KIF6: variants seen among roughly 807,000 people sequenced by gnomAD.
The protein encoded by KIF6 is kinesin-like protein KIF6.
In KIF6, 106 loss-of-function variants were observed where a neutral mutation model predicts 112.7. That is an observed-to-expected ratio of 0.94 (90% CI 0.80 to 1.11). The LOEUF (loss-of-function observed/expected upper bound fraction) is 1.11, where lower values mean the gene tolerates loss of function less well. Among genes scored for constraint, KIF6 ranks in the 50% least tolerant of loss-of-function variants. The pLI is 0.00. For synonymous variants in KIF6, 339 were observed against 339.9 expected (o/e 1.00, Z 0.03); for missense variants, 929 against 964.0 (o/e 0.96, Z 0.48).
At chr6:39,589,380 T>C (rs1781807954) in intron 7 of KIF6, among the ~76,000 whole-genome samples, 1 of 152,220 alleles carries the variant, frequency 6.6e-6, no homozygotes, top group Admixed American at 6.5e-5. Flanking sequence ...TGTTATCTGC[T>C]TCCCCTCTAG....
intron 13 of KIF6, among the ~76,000 whole-genome samples, chr6:39,530,322 G>C (rs1301638691): frequency 6.6e-6 from 1 of 152,204 alleles, no homozygotes; most frequent in Non-Finnish European, 1.5e-5. Context: ...GAGGTGGTGA[G>C]TCATCAGGGC....
chr6:39,455,197 A>G (rs1772984424), intron 13 of KIF6, among the ~76,000 whole-genome samples: 1 of 152,108 alleles, frequency 6.6e-6, no homozygotes, highest in South Asian at 2.1e-4. Context: ...TGCCTCCTCA[A>G]GTGGGTCCCT....
chr6:39,670,999 T>A (rs143205164), intron 3 of KIF6, among the ~76,000 whole-genome samples: 1 of 152,240 alleles, frequency 6.6e-6, no homozygotes, highest in Non-Finnish European at 1.5e-5. Flanking sequence ...TTTAATTCCA[T>A]ATGTATTTTG....
intron 13 of KIF6, among the ~76,000 whole-genome samples, chr6:39,433,331 A>C (rs536068522): frequency 9.2e-5 from 14 of 152,366 alleles, no homozygotes; most frequent in Non-Finnish European, 1.9e-4. Flanking sequence ...AGACAAGCGC[A>C]GGCAGTTTGG....
intron 20 of KIF6, among the ~76,000 whole-genome samples, chr6:39,346,101 C>CTCTCTCT (rs1562113068): frequency 2.3e-5 from 1 of 42,692 alleles, no homozygotes; most frequent in African/African-American, 1.2e-4. Context: ...CCCTCTCCCT[C>CTCTCTCT]CCCCCCTCCC....
In KIF6 at chr6:39,381,601, G is replaced by A. The variant is rs114025237; in HGVS notation, c.1861+4021C>T. The stretch of plus-strand genomic sequence containing the variant: ...TAAGGTTCTATAAGCAATCTGTCTT[G>A]AGAGGTTTCTCTCAATGAGGAGAAT... On this transcript the variant is annotated intron_variant, in intron 16 of 22. Transcript: ENST00000287152. Among the ~76,000 whole-genome samples, 1,263 of 152,272 alleles carry A rather than the reference G, an allele frequency of 8.3e-3. 12 individuals are homozygous for A. The highest frequency in any genetic ancestry group is 0.028 in the African/African-American group (1,164 of 41,542).
rs1288275024 is a variant in KIF6, at chr6:39,452,488, T to C, written c.1646-21327A>G. Among the ~76,000 whole-genome samples the C allele has an allele frequency of 2.6e-5, 4 of 152,354 alleles. No individual in the cohort carries two copies. In the East Asian group the frequency reaches 5.8e-4, roughly 22 times the overall value. On this transcript the variant is annotated intron_variant, in intron 13 of 22. Transcript: ENST00000287152. ...TAATTTGCTCTCTGGATATAAAGAA[T>C]GCAAGAGTGGGTAAGCTGAAAGCCC...
chr6:39,344,714 C>A (rs1272972515), intron 21 of KIF6, among the ~76,000 whole-genome samples: 9 of 152,202 alleles, frequency 5.9e-5, no homozygotes, highest in Admixed American at 1.3e-4. Context: ...CTTCTGTGCC[C>A]AGCTTAGATG....
At chr6:39,497,763 A>G (rs556547931) in intron 13 of KIF6, among the ~76,000 whole-genome samples, 80 of 152,282 alleles carry the variant, frequency 5.3e-4, no homozygotes, top group Admixed American at 3.5e-3. Flanking sequence ...TAAGTTTTCT[A>G]TAATGTTCTG....
intron 16 of KIF6, among the ~76,000 whole-genome samples, chr6:39,363,547 C>A (rs1447970449): frequency 1.3e-5 from 2 of 152,184 alleles, no homozygotes; most frequent in Non-Finnish European, 2.9e-5. Context: ...TGTCTCCTAG[C>A]CCAGAGTGTG....
intron 3 of KIF6, among the ~76,000 whole-genome samples, chr6:39,665,715 G>GT (rs149602793): frequency 2.6e-4 from 39 of 149,304 alleles, no homozygotes; most frequent in South Asian, 4.3e-4. Context: ...GTGAAGAGCT[G>GT]TTTTTTTTTT....
chr6:39,411,421 A>G (rs563701083), intron 15 of KIF6, among the ~76,000 whole-genome samples: 1 of 152,360 alleles, frequency 6.6e-6, no homozygotes, highest in Non-Finnish European at 1.5e-5. Flanking sequence ...CATCAGGTTT[A>G]TGTTTCTAAA....
At chr6:39,584,717 T>C (rs1781520628) in intron 9 of KIF6, among the ~76,000 whole-genome samples, 181 bp downstream of exon 9, 1 of 152,158 alleles carries the variant, frequency 6.6e-6, no homozygotes, top group African/African-American at 2.4e-5. Context: ...ACCTCAGTTT[T>C]GTCATCTTTA....
intron 13 of KIF6, among the ~76,000 whole-genome samples, chr6:39,442,831 C>T (rs1016089003): frequency 4.0e-5 from 6 of 151,830 alleles, no homozygotes; most frequent in East Asian, 1.9e-4. Context: ...GGCTCCAGAT[C>T]GGCTGGGCGC....
At chr6:39,403,950 T>C (rs1446845170) in intron 15 of KIF6, among the ~76,000 whole-genome samples, 1 of 152,244 alleles carries the variant, frequency 6.6e-6, no homozygotes, top group Non-Finnish European at 1.5e-5. Flanking sequence ...ACGTCCTTTT[T>C]GGTGAAGTAT....
intron 13 of KIF6, among the ~76,000 whole-genome samples, chr6:39,437,496 C>T (rs143075157): frequency 7.9e-5 from 12 of 152,306 alleles, no homozygotes; most frequent in Admixed American, 3.3e-4. Context: ...AGATGCTTAA[C>T]GTCTTTCCTT....
intron 6 of KIF6, among the ~76,000 whole-genome samples, chr6:39,604,031 A>G (rs1439663643): frequency 6.7e-6 from 1 of 149,610 alleles, no homozygotes; most frequent in Non-Finnish European, 1.5e-5. Flanking sequence ...AAACAAACCA[A>G]CTAAGAACAA....
At position 39,362,814 on chromosome 6, in the gene KIF6, C is replaced by A. The variant is rs555098192; in HGVS notation, c.1862-296G>T. 4.6e-5 allele frequency among the ~76,000 whole-genome samples: 7 copies of A among 152,282 alleles called. No individual in the cohort carries two copies. The East Asian group carries it at 1.4e-3, about 29-fold the overall frequency. On this transcript the variant is annotated intron_variant, in intron 16 of 22. Transcript: ENST00000287152. ...AGCTCATTCATTTCCTGTTGAGTTT[C>A]CAGGGAAGACGCAAAATAGCATTTC...
chr6:39,449,606 T>C (rs1157377160), intron 13 of KIF6, among the ~76,000 whole-genome samples: 2 of 152,222 alleles, frequency 1.3e-5, no homozygotes, highest in Non-Finnish European at 2.9e-5. Context: ...TATCACCCTC[T>C]GAAACCACAT....
Sources: gnomAD v4.1 joint callset for allele counts (sites outside exome capture counted in the v4.1 genomes callset) on GRCh38, gnomAD v4.1.1 for gene constraint, MANE v1.5 for transcripts, NCBI Gene and HGNC (gene_info 2026-07-23, HGNC 2026-07-21) for gene names.